DGKB: variants seen among roughly 807,000 people sequenced by gnomAD.
DGKB encodes the protein diacylglycerol kinase beta.
DGKB carries 67 observed loss-of-function variants against 114.3 expected under a neutral mutation model. The observed-to-expected ratio is 0.59, with a 90% CI of 0.48 to 0.72. The LOEUF is 0.72. Ranked by LOEUF, DGKB falls within the 30% of genes least tolerant of loss-of-function variation. The probability of loss-of-function intolerance (pLI) is 0.00; values close to 1 mark genes in which losing one functional copy is unlikely to be tolerated. For missense variants in DGKB, 907 were observed against 975.2 expected (o/e 0.93, Z 0.93); for synonymous variants, 398 against 323.1 (o/e 1.23, Z -2.49).
intron 21 of DGKB, among the ~76,000 whole-genome samples, chr7:14,433,664 G>T (rs956326374): frequency 2.0e-5 from 3 of 152,012 alleles, no homozygotes; most frequent in Admixed American, 6.6e-5. Context: ...TTTAACTTTG[G>T]ACAGATTGAG....
chr7:14,886,790 G>A (rs757332878), intron 1 of DGKB, among the ~76,000 whole-genome samples: 72 of 151,708 alleles, frequency 4.7e-4, no homozygotes, highest in Non-Finnish European at 6.9e-4. Context: ...AAATTATGCT[G>A]TCCACATATC....
intron 13 of DGKB, among the ~76,000 whole-genome samples, chr7:14,650,866 C>T (rs1199406598): frequency 6.6e-6 from 1 of 151,696 alleles, no homozygotes; most frequent in Non-Finnish European, 1.5e-5. Context: ...ATAATACAAA[C>T]ACCTCTACGC....
chr7:14,692,584 T>C (rs549293413), intron 9 of DGKB, among the ~76,000 whole-genome samples: 11 of 151,842 alleles, frequency 7.2e-5, no homozygotes, highest in African/African-American at 2.7e-4. Flanking sequence ...AAATATGGTA[T>C]TATAAAAAAA....
upstream of DGKB, among the ~76,000 whole-genome samples, chr7:14,906,369 TGA>T (rs764863989): frequency 3.9e-5 from 6 of 151,912 alleles, no homozygotes; most frequent in Non-Finnish European, 7.4e-5. Flanking sequence ...AAATAAATGA[TGA>T]GAGACAGCAC....
intron 25 of DGKB, among the ~76,000 whole-genome samples, chr7:14,158,498 A>G (rs1184233803): frequency 6.6e-6 from 1 of 152,172 alleles, no homozygotes; most frequent in Non-Finnish European, 1.5e-5. Flanking sequence ...TAGAAGAAGA[A>G]ACTTCTTTAA....
At chr7:14,165,049 C>T (rs1015695850) in intron 25 of DGKB, among the ~76,000 whole-genome samples, 5 of 152,072 alleles carry the variant, frequency 3.3e-5, no homozygotes, top group East Asian at 1.9e-4. Context: ...GATTCCAGCC[C>T]TCATTTCTAT....
chr7:14,740,096 C>T (rs745932202), intron 4 of DGKB, among the ~76,000 whole-genome samples: 5 of 152,264 alleles, frequency 3.3e-5, no homozygotes, highest in African/African-American at 4.8e-5. Flanking sequence ...AGCTGGCCAG[C>T]GTTCCCCGCC....
intron 20 of DGKB, among the ~76,000 whole-genome samples, chr7:14,531,183 T>C (rs560940378): frequency 8.5e-4 from 129 of 151,502 alleles, no homozygotes; most frequent in East Asian, 1.9e-3. Flanking sequence ...GGCTATTTCA[T>C]TGGACGCTAT....
In DGKB at chr7:14,857,234, C is replaced by T. The variant is rs1023256395; in HGVS notation, c.-187-15784G>A. 4.6e-5 allele frequency among the ~76,000 whole-genome samples: 4 copies of T among 86,272 alleles called. No homozygotes were observed. In the East Asian group the frequency reaches 3.5e-3, roughly 75 times the overall value. 56.6% of individuals were successfully genotyped at this position (86,272 alleles called of 152,430 possible). A position where few individuals can be genotyped will look rare whatever the true frequency, so the allele number is the denominator to read the frequency against. ...TCTCTCTCTCTCTCTCTCTCTCTTCCACCCAACCCCCTGCTGTGTGTGTTT... is the reference window on the plus strand; with the variant it reads ...TCTCTCTCTCTCTCTCTCTCTCTTCTACCCAACCCCCTGCTGTGTGTGTTT... On this transcript the variant is annotated intron_variant, in intron 1 of 25. Coordinates refer to ENST00000402815, the MANE Select transcript of DGKB (RefSeq NM_001350709.2).
chr7:14,383,622 T>C (rs186575395), intron 21 of DGKB, among the ~76,000 whole-genome samples: 16 of 152,292 alleles, frequency 1.1e-4, no homozygotes, highest in African/African-American at 3.6e-4. Flanking sequence ...CGCGTATCAA[T>C]GTACCAGGCC....
intron 17 of DGKB, among the ~76,000 whole-genome samples, chr7:14,584,951 T>C (rs531353067): frequency 1.2e-3 from 184 of 152,174 alleles, no homozygotes; most frequent in African/African-American, 4.4e-3. Context: ...TGAGCCACCT[T>C]GCCGGGCGAG....
chr7:14,154,394 A>G (rs1782667998), intron 25 of DGKB, among the ~76,000 whole-genome samples: 1 of 151,986 alleles, frequency 6.6e-6, no homozygotes. Context: ...GAACAGCTTA[A>G]TGGCTGCCTA....
intron 1 of DGKB, among the ~76,000 whole-genome samples, chr7:14,917,206 A>T (rs569924795): frequency 6.6e-6 from 1 of 152,198 alleles, no homozygotes; most frequent in South Asian, 2.1e-4. Flanking sequence ...TCAACAATCA[A>T]GTCTTCCATC....
intron 25 of DGKB, among the ~76,000 whole-genome samples, chr7:14,172,529 T>G (rs1721883670): frequency 6.6e-6 from 1 of 152,158 alleles, no homozygotes; most frequent in South Asian, 2.1e-4. Flanking sequence ...AAGTACAGGA[T>G]GACTTTCAGA....
intron 21 of DGKB, among the ~76,000 whole-genome samples, chr7:14,448,598 C>G (rs6950297): frequency 2.0e-5 from 3 of 152,050 alleles, no homozygotes; most frequent in Admixed American, 6.6e-5. Flanking sequence ...AAGTTAAACA[C>G]TTACAAATGC....
At chr7:14,906,147 GCTCT>G (rs1255173107), upstream of DGKB, among the ~76,000 whole-genome samples, 1 of 151,646 alleles carries the variant, frequency 6.6e-6, no homozygotes, top group African/African-American at 2.4e-5. Flanking sequence ...GAAATTCACA[GCTCT>G]CTCTCTACTC....
At chr7:14,254,284 C>G (rs751915551) in intron 23 of DGKB, among the ~76,000 whole-genome samples, 5 of 152,144 alleles carry the variant, frequency 3.3e-5, no homozygotes, top group Non-Finnish European at 4.4e-5. Context: ...ATCCTCAATC[C>G]AACCTCAATG....
rs73064716 is a variant in DGKB, at chr7:14,738,465, A to G, written c.169-2271T>C. ...AAGCTGTGTCACTGTGGACAATTTAAGCTCTCTGTGCCTCAATTTCTTCAT... is the reference window on the plus strand; with the variant it reads ...AAGCTGTGTCACTGTGGACAATTTAGGCTCTCTGTGCCTCAATTTCTTCAT... On this transcript the variant is annotated intron_variant, in intron 4 of 25. Coordinates refer to ENST00000402815, the MANE Select transcript of DGKB (RefSeq NM_001350709.2). Among the ~76,000 whole-genome samples the G allele has an allele frequency of 1.6e-3, 237 of 152,354 alleles. 1 individual carries two copies. In the Middle Eastern group the frequency reaches 0.02, roughly 13 times the overall value.
chr7:14,205,761 A>T (rs1346636743), intron 23 of DGKB, among the ~76,000 whole-genome samples: 1 of 151,900 alleles, frequency 6.6e-6, no homozygotes, highest in East Asian at 1.9e-4. Flanking sequence ...TCTCATTCTC[A>T]ACTGCTTCTA....
Sources: allele counts gnomAD v4.1 joint callset (sites outside exome capture counted in the v4.1 genomes callset), GRCh38; gene constraint gnomAD v4.1.1; transcripts MANE v1.5; gene names NCBI Gene and HGNC (gene_info 2026-07-23, HGNC 2026-07-21).